Variants in TNFSF9 observed in about 807,000 individuals in gnomAD.
The protein encoded by TNFSF9 is TNF superfamily member 9.
In TNFSF9, 10 loss-of-function variants were observed where a neutral mutation model predicts 10.3. The ratio of observed to expected loss-of-function variants is 0.97; its 90% CI spans 0.60 to 1.65. The LOEUF (loss-of-function observed/expected upper bound fraction) is 1.65, where lower values mean the gene tolerates loss of function less well. TNFSF9 is among the 40% of genes most tolerant of loss of function. The probability of loss-of-function intolerance (pLI) is 0.00; values close to 1 mark genes in which losing one functional copy is unlikely to be tolerated. For missense variants in TNFSF9, 361 were observed against 348.9 expected (o/e 1.03, Z -0.28); for synonymous variants, 195 against 176.1 (o/e 1.11, Z -0.85).
chr19:6,531,511 G>C (rs1178770104), intron 1 of TNFSF9, among the ~76,000 whole-genome samples: 1 of 151,720 alleles, frequency 6.6e-6, no homozygotes, highest in Non-Finnish European at 1.5e-5. Context: ...CACCTCATCT[G>C]TACCCCAGGC....
chr19:6,534,654 T>A lies in TNFSF9; in HGVS notation c.353T>A (p.Val118Glu). Reference sequence around the variant, plus strand: ...TACAGTGACCCAGGCCTGGCAGGCGTGTCCCTGACGGGGGGCCTGAGCTAC... The same window carrying A: ...TACAGTGACCCAGGCCTGGCAGGCGAGTCCCTGACGGGGGGCCTGAGCTAC... ...SWYSDPGLAG[V>E]SLTGGLSYKE... The change falls in exon 3 of 3, where the codon GTG (valine) becomes GAG (glutamate). Residue 118 changes from valine to glutamate, a missense_variant. Physicochemically the swap from Val to Glu is moderately radical, Grantham distance 121. Coordinates refer to ENST00000245817, the MANE Select transcript of TNFSF9 (RefSeq NM_003811.4). 1 of 1,589,550 alleles carries A rather than the reference T, an allele frequency of 6.3e-7. No individual in the cohort carries two copies. The highest frequency in any genetic ancestry group is 8.6e-7 in the Non-Finnish European group (1 of 1,168,672).
rs1915242874 is a variant in TNFSF9 at position 6,535,230 on chromosome 19, C to T, written c.*164C>T. 4 of 520,454 alleles carry T rather than the reference C, an allele frequency of 7.7e-6. No homozygotes were observed. The East Asian group carries it at 1.3e-4, about 17-fold the overall frequency. The allele number at this position is 520,454 out of a possible 1,614,324, so 32.2% of individuals were successfully genotyped here. A position where few individuals can be genotyped will look rare whatever the true frequency, so the allele number is the denominator to read the frequency against. On this transcript the variant is annotated 3_prime_UTR_variant, in exon 3 of 3. Coordinates refer to ENST00000245817, the MANE Select transcript of TNFSF9 (RefSeq NM_003811.4). ...AGGACCCTCCTCACCCACTCCTTCCCCAAGTTGGACCTTGATATTTATTCT... is the reference window on the plus strand; with the variant it reads ...AGGACCCTCCTCACCCACTCCTTCCTCAAGTTGGACCTTGATATTTATTCT...
At chr19:6,534,193 C>T (rs1486128928) in intron 2 of TNFSF9, among the ~76,000 whole-genome samples, 6 of 150,538 alleles carry the variant, frequency 4.0e-5, no homozygotes, top group Admixed American at 3.3e-4. Context: ...CTCGCCTGGC[C>T]TTTTGCTTTT....
At chr19:6,531,582 C>G (rs1290037723) in intron 1 of TNFSF9, among the ~76,000 whole-genome samples, 1 of 151,928 alleles carries the variant, frequency 6.6e-6, no homozygotes, top group Non-Finnish European at 1.5e-5. Flanking sequence ...TCTCCTTCTT[C>G]TAGTCCGGGG....
chr19:6,534,506 C>A, intron 2 of TNFSF9, 94 bp from the exon 3 acceptor site: 5 of 940,052 alleles, frequency 5.3e-6, no homozygotes, highest in East Asian at 6.2e-5. Flanking sequence ...CCGTTCTTTT[C>A]TCCCAGGGCT....
intron 1 of TNFSF9, 112 bp downstream of exon 1, chr19:6,531,415 C>T: frequency 7.5e-7 from 1 of 1,338,690 alleles, no homozygotes; most frequent in Non-Finnish European, 9.6e-7. Flanking sequence ...ACACTCCCGG[C>T]CGGGGAGAGG....
intron 2 of TNFSF9, among the ~76,000 whole-genome samples, 158 bp from the exon 3 acceptor site, chr19:6,534,442 C>G (rs1915220194): frequency 6.9e-6 from 1 of 145,774 alleles, no homozygotes; most frequent in Non-Finnish European, 1.5e-5. Flanking sequence ...GCTCCCCGCT[C>G]TGCTCCCCTG....
chr19:6,531,412 C>T (rs76081997), intron 1 of TNFSF9, 109 bp downstream of exon 1: 2 of 1,343,764 alleles, frequency 1.5e-6, no homozygotes, highest in South Asian at 1.8e-5. Context: ...TCTACACTCC[C>T]GGCCGGGGAG....
rs1291138401 is a variant in TNFSF9, at chr19:6,531,103, G to T, written c.67G>T (p.Ala23Ser). The T allele has an allele frequency of 6.2e-7, 1 of 1,610,514 alleles. No individual in the cohort carries two copies. The highest frequency in any genetic ancestry group is 2.2e-5 in the East Asian group (1 of 44,680). The change falls in exon 1 of 3, where the codon GCC becomes TCC. Residue 23 changes from alanine (A) to serine (S), a missense_variant. Ala to Ser is a moderately conservative substitution (Grantham distance 99). Transcript: ENST00000245817. The part of the protein sequence containing the change: ...APWPPAPRAR[A>S]CRVLPWALVA... ...GTGGCCTCCCGCGCCCCGCGCTCGC[G>T]CCTGCCGCGTACTGCCTTGGGCCCT...
chr19:6,531,321 C>G lies in TNFSF9; in HGVS notation c.267+18C>G, dbSNP rs761136498. 9.6e-6 allele frequency: 14 copies of G among 1,459,824 alleles called. No individual in the cohort carries two copies. The highest frequency in any genetic ancestry group is 8.9e-5 in the African/African-American group (6 of 67,638). 90.4% of individuals were successfully genotyped at this position (1,459,824 alleles called of 1,614,324 possible). On this transcript the variant is annotated intron_variant, in intron 1 of 2. Coordinates refer to ENST00000245817, the MANE Select transcript of TNFSF9 (RefSeq NM_003811.4). ...TGCGGCAGGTGAGACGTGCCCCGAC[C>G]CTCGGTAGCTGGTCTCGCGGGAGAC...
chr19:6,533,331 A>G (rs1599429251), intron 2 of TNFSF9, among the ~76,000 whole-genome samples: 1 of 48,384 alleles, frequency 2.1e-5, no homozygotes, highest in African/African-American at 7.9e-5. Context: ...CCCCAGCCCC[A>G]TGCTCTCCCA....
rs1019343867 is a variant in TNFSF9, at chr19:6,531,273, C to A, written c.237C>A (p.Asp79Glu). 3 of 1,507,028 alleles carry A rather than the reference C, an allele frequency of 2.0e-6. No homozygotes were observed. The Admixed American group carries it at 7.1e-5, about 35-fold the overall frequency. 93.4% of individuals were successfully genotyped at this position (1,507,028 alleles called of 1,614,324 possible). ...GCGAGGGTCCCGAGCTTTCGCCCGA[C>A]GATCCCGCCGGCCTCTTGGACCTGC... is the stretch of plus-strand genomic sequence containing the variant. ...RLREGPELSPDDPAGLLDLRQ... is the reference protein window; with the variant it reads ...RLREGPELSPEDPAGLLDLRQ... Residue 79 changes from aspartate (D) to glutamate (E), a missense_variant, in exon 1 of 3, where the codon GAC (aspartate) becomes GAA (glutamate). Coordinates refer to ENST00000245817, the MANE Select transcript of TNFSF9 (RefSeq NM_003811.4).
chr19:6,534,602 C>T lies in TNFSF9; in HGVS notation c.301C>T (p.Leu101=). The T allele has an allele frequency of 1.1e-5, 17 of 1,566,378 alleles. No individual in the cohort carries two copies. Among genetic ancestry groups the T allele is most frequent in the Non-Finnish European group, 1.4e-5 (16 of 1,156,216 alleles). ...MFAQLVAQNV[L]LIDGPLSWYS... is the part of the protein sequence containing the mutation. ...AAGTGCATGCTTTCCTCCCACAGTT[C>T]TGCTGATCGATGGGCCCCTGAGCTG... Residue 101 remains leucine (L), a splice_region_variant and synonymous_variant, in exon 3 of 3, where the codon CTG becomes TTG. Coordinates refer to ENST00000245817, the MANE Select transcript of TNFSF9 (RefSeq NM_003811.4).
intron 1 of TNFSF9, 71 bp downstream of exon 1, chr19:6,531,374 T>TC (rs1365768989): frequency 1.5e-6 from 2 of 1,378,642 alleles, no homozygotes; most frequent in Non-Finnish European, 1.9e-6. Context: ...GACTCCCTTC[T>TC]CCCTCCCGCA....
chr19:6,532,878 G>A, intron 2 of TNFSF9, 62 bp downstream of exon 2: 1 of 1,610,066 alleles, frequency 6.2e-7, no homozygotes, highest in African/African-American at 1.3e-5. Flanking sequence ...GGGATACGAA[G>A]AAGGGGGAAC....
intron 1 of TNFSF9, 126 bp downstream of exon 1, chr19:6,531,429 C>A (rs991591914): frequency 2.0e-5 from 26 of 1,293,104 alleles, no homozygotes; most frequent in Non-Finnish European, 2.5e-5. Flanking sequence ...GGAGAGGAGA[C>A]CCACCGGGGC....
chr19:6,534,291 A>T (rs1278127335), intron 2 of TNFSF9, among the ~76,000 whole-genome samples: 1 of 145,270 alleles, frequency 6.9e-6, no homozygotes, highest in Non-Finnish European at 1.5e-5. Flanking sequence ...CCCTGTCCCG[A>T]CTCTTGTCCT....
At chr19:6,532,467 G>A (rs1461782489) in intron 1 of TNFSF9, among the ~76,000 whole-genome samples, 1 of 150,666 alleles carries the variant, frequency 6.6e-6, no homozygotes, top group African/African-American at 2.4e-5. Context: ...TTGGATATTT[G>A]TGTTCGTGTG....
At position 6,535,856 on chromosome 19, in the gene TNFSF9, G is replaced by A. The variant is rs544582391; in HGVS notation, c.*790G>A. The A allele has an allele frequency of 5.7e-4, 87 of 152,160 alleles. No homozygotes were observed. The highest frequency in any genetic ancestry group is 1.9e-3 in the African/African-American group (78 of 41,526). The allele number at this position is 152,160 out of a possible 1,614,324, so 9.4% of individuals were successfully genotyped here. A position where few individuals can be genotyped will look rare whatever the true frequency, so the allele number is the denominator to read the frequency against. Reference sequence around the variant, plus strand: ...AACTTTTTAATTTTTTTGCGGAGACGGTATTGCTATGTTGCCAAGGTTGTT... The same window carrying A: ...AACTTTTTAATTTTTTTGCGGAGACAGTATTGCTATGTTGCCAAGGTTGTT... On this transcript the variant is annotated 3_prime_UTR_variant, in exon 3 of 3. Coordinates refer to ENST00000245817, the MANE Select transcript of TNFSF9 (RefSeq NM_003811.4).
Sources: gnomAD v4.1 joint callset for allele counts (sites outside exome capture counted in the v4.1 genomes callset) on GRCh38, gnomAD v4.1.1 for gene constraint, MANE v1.5 for transcripts, NCBI Gene and HGNC (gene_info 2026-07-23, HGNC 2026-07-21) for gene names.